Variants in HPSE2 observed in about 807,000 individuals in gnomAD.
HPSE2 encodes the protein heparanase 2 (inactive), also known as inactive heparanase-2.
In HPSE2, 38 loss-of-function variants were observed where a neutral mutation model predicts 60.5. The observed-to-expected ratio is 0.63, with a 90% CI of 0.48 to 0.82. The LOEUF (loss-of-function observed/expected upper bound fraction) is 0.82. HPSE2 is among the 40% of genes least tolerant of loss of function. The pLI, the probability that HPSE2 is intolerant of heterozygous loss-of-function variation, is 0.00. For synonymous variants in HPSE2, 295 were observed against 293.2 expected, an observed-to-expected ratio of 1.01 and a Z score of -0.06; for missense variants, 713 against 740.4, an observed-to-expected ratio of 0.96 and a Z score of 0.43.
At chr10:98,484,599 C>T (rs1391819102) in intron 10 of HPSE2, among the ~76,000 whole-genome samples, 1 of 152,198 alleles carries the variant, frequency 6.6e-6, no homozygotes, top group Non-Finnish European at 1.5e-5. Flanking sequence ...CTTTTGTCTG[C>T]AAAATTTCCC....
chr10:99,149,099 T>C (rs1178998875), intron 2 of HPSE2, among the ~76,000 whole-genome samples: 2 of 152,140 alleles, frequency 1.3e-5, no homozygotes, highest in East Asian at 1.9e-4. Flanking sequence ...CAAAGATGAC[T>C]TGCTTTCTCA....
At chr10:98,675,418 C>G (rs1947610854) in intron 6 of HPSE2, among the ~76,000 whole-genome samples, 1 of 151,958 alleles carries the variant, frequency 6.6e-6, no homozygotes, top group Non-Finnish European at 1.5e-5. Context: ...ATAAAGAAAG[C>G]AAGGGGCTGG....
chr10:98,463,350 A>C (rs1940386193), intron 11 of HPSE2, among the ~76,000 whole-genome samples: 1 of 152,214 alleles, frequency 6.6e-6, no homozygotes, highest in Non-Finnish European at 1.5e-5. Flanking sequence ...GGGAGTGGGC[A>C]TTGGTAGGGG....
At chr10:98,986,556 C>G (rs376988753) in intron 3 of HPSE2, among the ~76,000 whole-genome samples, 17 of 150,824 alleles carry the variant, frequency 1.1e-4, no homozygotes, top group African/African-American at 3.9e-4. Context: ...ATCTAAAATT[C>G]ACACCCTAAC....
intron 10 of HPSE2, among the ~76,000 whole-genome samples, chr10:98,488,296 G>A (rs1042025809): frequency 6.6e-6 from 1 of 152,194 alleles, no homozygotes; most frequent in East Asian, 1.9e-4. Context: ...GGGGAAGAAA[G>A]CTCTAACTCT....
intron 9 of HPSE2, among the ~76,000 whole-genome samples, chr10:98,490,469 T>G (rs1484805169): frequency 6.6e-6 from 1 of 152,224 alleles, no homozygotes; most frequent in Non-Finnish European, 1.5e-5. Flanking sequence ...CAGCAGCATA[T>G]GAACAAATCA....
chr10:98,803,172 G>T (rs1399849429), intron 3 of HPSE2, among the ~76,000 whole-genome samples: 1 of 151,264 alleles, frequency 6.6e-6, no homozygotes, highest in African/African-American at 2.4e-5. Flanking sequence ...GGCGTTGTTT[G>T]TTTTTTTCTT....
At chr10:99,133,292 G>C (rs187666477) in intron 3 of HPSE2, among the ~76,000 whole-genome samples, 1 of 152,302 alleles carries the variant, frequency 6.6e-6, no homozygotes, top group Non-Finnish European at 1.5e-5. Context: ...CCTGGGGAAA[G>C]GGGCAGCTGT....
intron 2 of HPSE2, among the ~76,000 whole-genome samples, chr10:99,198,173 A>G (rs4456193): frequency 0.49 from 75,014 of 152,000 alleles, 21,702 homozygotes; most frequent in Non-Finnish European, 0.64. Context: ...GCAAAGGCCC[A>G]GTTTCAAATC....
At chr10:99,057,122 G>A (rs557518832) in intron 3 of HPSE2, among the ~76,000 whole-genome samples, 1 of 152,160 alleles carries the variant, frequency 6.6e-6, no homozygotes, top group South Asian at 2.1e-4. Flanking sequence ...GACTGAGGTG[G>A]TGGTTACATA....
intron 2 of HPSE2, among the ~76,000 whole-genome samples, chr10:99,207,606 A>C (rs1848802676): frequency 6.6e-6 from 1 of 152,192 alleles, no homozygotes. Context: ...TTAACAATAA[A>C]AGTTTTTAAA....
intron 2 of HPSE2, among the ~76,000 whole-genome samples, chr10:99,169,504 C>CAAAAAAAAAAAAA (rs562946052): frequency 9.1e-5 from 5 of 54,734 alleles, no homozygotes; most frequent in African/African-American, 1.2e-4. Context: ...GACTCCGTCT[C>CAAAAAAAAAAAAA]AAAAAAAAAA....
intron 9 of HPSE2, among the ~76,000 whole-genome samples, chr10:98,602,805 T>C (rs910503917): frequency 6.6e-6 from 1 of 152,098 alleles, no homozygotes; most frequent in African/African-American, 2.4e-5. Context: ...AAAAATTAAC[T>C]CAAATGGACC....
At chr10:98,542,292 A>C (rs1268948099) in intron 9 of HPSE2, among the ~76,000 whole-genome samples, 2 of 152,186 alleles carry the variant, frequency 1.3e-5, no homozygotes, top group African/African-American at 2.4e-5. Flanking sequence ...GAAAACTAAC[A>C]AACAGAAAGG....
In HPSE2 at chr10:98,661,057, A is replaced by G. The variant is rs570777487; in HGVS notation, c.1005-19117T>C. ...TTCTTTAGCTCCTCCTTGCCCTGAC[A>G]CAGCCTTCCTCCCAGGGTGTATGAG... On this transcript the variant is annotated intron_variant, in intron 6 of 11. Coordinates refer to ENST00000370552, the MANE Select transcript of HPSE2 (RefSeq NM_021828.5). 2.0e-5 allele frequency among the ~76,000 whole-genome samples: 3 copies of G among 152,294 alleles called. No individual in the cohort carries two copies. In the South Asian group the frequency reaches 6.2e-4, roughly 32 times the overall value.
chr10:99,310,365 T>A, the HPSE2 span, among the ~76,000 whole-genome samples: 1 of 152,148 alleles, frequency 6.6e-6, no homozygotes, highest in African/African-American at 2.4e-5. Context: ...AAAAACATAT[T>A]GAGTTGTAAC....
intron 11 of HPSE2, among the ~76,000 whole-genome samples, chr10:98,461,108 T>A (rs1591205585): frequency 6.6e-6 from 1 of 152,262 alleles, no homozygotes; most frequent in East Asian, 1.9e-4. Context: ...TATAGAGGTC[T>A]TTGTTTAGTG....
intron 3 of HPSE2, among the ~76,000 whole-genome samples, chr10:99,099,829 T>C (rs1843876950): frequency 6.6e-6 from 1 of 152,156 alleles, no homozygotes; most frequent in African/African-American, 2.4e-5. Flanking sequence ...ACATTTCCTG[T>C]TCAGCAATAT....
intron 3 of HPSE2, among the ~76,000 whole-genome samples, chr10:98,986,124 G>A (rs1051084474): frequency 1.3e-5 from 2 of 152,108 alleles, no homozygotes; most frequent in African/African-American, 4.8e-5. Flanking sequence ...ATTGAATTTA[G>A]CTCTTCACCA....
Sources: gnomAD v4.1 joint callset for allele counts (sites outside exome capture counted in the v4.1 genomes callset) on GRCh38, gnomAD v4.1.1 for gene constraint, MANE v1.5 for transcripts, NCBI Gene and HGNC (gene_info 2026-07-23, HGNC 2026-07-21) for gene names.